POLG: variants seen among roughly 807,000 people sequenced by gnomAD.
POLG encodes the protein DNA polymerase gamma, catalytic subunit.
POLG carries 110 observed loss-of-function variants against 155.4 expected under a neutral mutation model. The ratio of observed to expected loss-of-function variants is 0.71; its 90% CI spans 0.61 to 0.83. The LOEUF (loss-of-function observed/expected upper bound fraction) is 0.83. Among genes scored for constraint, POLG ranks in the 40% least tolerant of loss-of-function variants. POLG has a pLI of 0.00. For synonymous variants in POLG, 701 were observed against 631.5 expected (o/e 1.11, Z -1.65); for missense variants, 1,685 against 1,627.5 (o/e 1.04, Z -0.61).
intron 9 of POLG, 108 bp downstream of exon 9, chr15:89,326,504 A>C: frequency 8.1e-7 from 1 of 1,229,992 alleles, no homozygotes; most frequent in South Asian, 1.3e-5. Flanking sequence ...GCAGGTCAAT[A>C]AGTATACATG....
At position 89,322,007 on chromosome 15, in the gene POLG, A is replaced by G. The variant is rs1450473418; in HGVS notation, c.2435T>C (p.Met812Thr). ...AGCTGACCTGGGCAGCCACACCACC[A>G]TCTGGGAGCTGTGGGGACAGACAAC... The part of the protein sequence containing the change: ...RNAHKRISSQ[M>T]VVWLPRSALP... The change falls in exon 15 of 23, where the codon ATG becomes ACG. Residue 812 changes from methionine (M) to threonine (T), a missense_variant. By Grantham distance (81) the Met-to-Thr change is moderately conservative. Coordinates refer to ENST00000268124, the MANE Select transcript of POLG (RefSeq NM_002693.3). 1 of 1,614,112 alleles carries G rather than the reference A, an allele frequency of 6.2e-7. No homozygotes were observed. The highest frequency in any genetic ancestry group is 8.5e-7 in the Non-Finnish European group (1 of 1,179,968).
At chr15:89,319,598 C>T (rs1425606071) in intron 18 of POLG, among the ~76,000 whole-genome samples, 1 of 152,118 alleles carries the variant, frequency 6.6e-6, no homozygotes, top group Non-Finnish European at 1.5e-5. Context: ...CCATGGTAGC[C>T]CAATAAAGGA....
intron 15 of POLG, 26 bp downstream of exon 15, chr15:89,321,936 C>T (rs1169423451): frequency 6.2e-7 from 1 of 1,613,284 alleles, no homozygotes; most frequent in Non-Finnish European, 8.5e-7. Context: ...GTTCTCCTAT[C>T]CCTACAACCA....
At position 89,316,531 on chromosome 15, in the gene POLG, T is replaced by G; in HGVS notation, c.*220A>C. 1 of 1,445,458 alleles carries G rather than the reference T, an allele frequency of 6.9e-7. No individual in the cohort carries two copies. Among genetic ancestry groups the G allele is most frequent in the South Asian group, 1.2e-5 (1 of 83,396 alleles). The allele number at this position is 1,445,458 out of a possible 1,614,324, so 89.5% of individuals were successfully genotyped here. A position where few individuals can be genotyped will look rare whatever the true frequency, so the allele number is the denominator to read the frequency against. On this transcript the variant is annotated 3_prime_UTR_variant, in exon 23 of 23. Transcript: ENST00000268124. ...TTACCCAACAAGCAACAATGCCCCT[T>G]GTCCTGTAGTCCACACCGATGTTGG...
In POLG at chr15:89,319,170, C is replaced by G. The variant is rs1261924218; in HGVS notation, c.3104+58G>C. The stretch of plus-strand genomic sequence containing the variant: ...AAAGCTAAAAAACAAAGCATCCAAG[C>G]TCTTCTGGGGCAAGCCCAGACCCCT... On this transcript the variant is annotated intron_variant, in intron 19 of 22. Transcript: ENST00000268124. 3.7e-6 allele frequency: 6 copies of G among 1,614,054 alleles called. No individual in the cohort carries two copies. The African/African-American group carries it at 8.0e-5, about 22-fold the overall frequency.
intron 9 of POLG, among the ~76,000 whole-genome samples, 181 bp from the exon 10 acceptor site, chr15:89,325,867 TAGA>T (rs2055510668): frequency 6.6e-6 from 1 of 152,134 alleles, no homozygotes. Flanking sequence ...TGGAATCCTC[TAGA>T]AGAATATTTC....
chr15:89,327,244 A>G lies in POLG; in HGVS notation c.1356T>C (p.Tyr452=), dbSNP rs3176179. Residue 452 remains tyrosine, a synonymous_variant, in exon 7 of 23, where the codon TAT becomes TAC. Transcript: ENST00000268124. ...ERYLAEAQGT[Y]EELQREMKKS... ...TCTTCATCTCCCGCTGGAGCTCCTCATAAGTGCCCTGTGCCTCTGCCAGGT... is the reference window on the plus strand; with the variant it reads ...TCTTCATCTCCCGCTGGAGCTCCTCGTAAGTGCCCTGTGCCTCTGCCAGGT... The G allele has an allele frequency of 7.5e-5, 121 of 1,614,190 alleles. No individual in the cohort carries two copies. The highest frequency in any genetic ancestry group is 5.5e-4 in the African/African-American group (41 of 75,054).
chr15:89,317,310 C>G, intron 22 of POLG, 66 bp downstream of exon 22: 1 of 1,544,748 alleles, frequency 6.5e-7, no homozygotes, highest in Non-Finnish European at 8.9e-7. Context: ...TTCCTGTTCT[C>G]CAAGACCCAC....
rs113994094 is a variant in POLG at position 89,330,184 on chromosome 15, G to A, written c.752C>T (p.Thr251Ile). 3,197 of 1,613,784 alleles carry A rather than the reference G, an allele frequency of 2.0e-3. 2 individuals carry two copies. The highest frequency in any genetic ancestry group is 2.4e-3 in the Non-Finnish European group (2,889 of 1,179,902). ...TCTCTGGGTGGGGCTGCTGGCACCA[G>A]TAGGGACCTCCAGGGGGATGAGGTC... ...PADLIPLEVP[T>I]GASSPTQRDW... Residue 251 changes from threonine to isoleucine, a missense_variant, in exon 3 of 23, where the codon ACT becomes ATT. By Grantham distance (89) the Thr-to-Ile change is moderately conservative. Transcript: ENST00000268124.
intron 21 of POLG, chr15:89,318,051 C>CAACT (rs1301899055): frequency 3.7e-6 from 1 of 270,218 alleles, no homozygotes; most frequent in Non-Finnish European, 7.3e-6. Context: ...CAAGAAAATA[C>CAACT]AACTCAATAT....
In POLG at chr15:89,319,299, T is replaced by C. The variant is rs774302250; in HGVS notation, c.3033A>G (p.Pro1011=). ...TCCAGCCACCCTCAGTCCTGTCCAC[T>C]GGGAGGTTCAACTCCCTCACCAGCC... The part of the protein sequence containing the change: ...GEWLVRELNL[P]VDRTEGGWIS... The change falls in exon 19 of 23, where the codon CCA becomes CCG. Residue 1011 remains proline, a synonymous_variant. Coordinates refer to ENST00000268124, the MANE Select transcript of POLG (RefSeq NM_002693.3). 2.0e-5 allele frequency: 32 copies of C among 1,614,152 alleles called. No individual in the cohort carries two copies. The highest frequency in any genetic ancestry group is 2.5e-5 in the Non-Finnish European group (30 of 1,180,018).
chr15:89,321,780 G>A lies in POLG; in HGVS notation c.2554C>T (p.Arg852Cys), dbSNP rs144500145. Reference protein sequence around the residue: ...PQVVTAGTITRRAVEPTWLTA... With the variant: ...PQVVTAGTITCRAVEPTWLTA... The stretch of plus-strand genomic sequence containing the variant: ...AGCCATGTGGGCTCCACAGCCCGGC[G>A]AGTGATGGTGCCGGCAGTCACCACT... The change falls in exon 16 of 23, where the codon CGC (arginine) becomes TGC (cysteine). Residue 852 changes from arginine (R) to cysteine (C), a missense_variant. Coordinates refer to ENST00000268124, the MANE Select transcript of POLG (RefSeq NM_002693.3). 179 of 1,613,984 alleles carry A rather than the reference G, an allele frequency of 1.1e-4. No homozygotes were observed. Among genetic ancestry groups the A allele is most frequent in the Non-Finnish European group, 1.4e-4 (168 of 1,180,012 alleles).
chr15:89,317,686 G>A lies in POLG; in HGVS notation c.3483-150C>T, dbSNP rs1036882803. ...CTTAGCTAAGTCAAGAAAGGTGAAG[G>A]TCCAGCACTGTTTTCCATCCAGCAG... On this transcript the variant is annotated intron_variant, in intron 21 of 22. Coordinates refer to ENST00000268124, the MANE Select transcript of POLG (RefSeq NM_002693.3). 10 of 753,784 alleles carry A rather than the reference G, an allele frequency of 1.3e-5. No homozygotes were observed. In the Admixed American group the frequency reaches 1.4e-4, roughly 11 times the overall value. 46.7% of individuals were successfully genotyped at this position (753,784 alleles called of 1,614,324 possible).
At position 89,325,253 on chromosome 15, in the gene POLG, AGAGAGT is replaced by A. The variant is rs1204929916; in HGVS notation, c.1949+191_1949+196del. Among the ~76,000 whole-genome samples, 28 of 87,216 alleles carry A rather than the reference AGAGAGT, an allele frequency of 3.2e-4. 8 individuals are homozygous for A. The highest frequency in any genetic ancestry group is 4.3e-4 in the Non-Finnish European group (20 of 46,614). 57.2% of individuals were successfully genotyped at this position (87,216 alleles called of 152,430 possible). Reference sequence around the variant, plus strand: ...GAGTGAGAGAGTGAGTGAGTGAGAGAGAGAGTGAGTGAGTGAGTGAGAGAGAGAGAA... The same window carrying A: ...GAGTGAGAGAGTGAGTGAGTGAGAGAGAGTGAGTGAGTGAGAGAGAGAGAA... On this transcript the variant is annotated intron_variant, in intron 10 of 22. Coordinates refer to ENST00000268124, the MANE Select transcript of POLG (RefSeq NM_002693.3).
chr15:89,321,281 C>T (rs779527310), intron 16 of POLG, 21 bp from the exon 17 acceptor site: 1 of 1,613,230 alleles, frequency 6.2e-7, no homozygotes, highest in Non-Finnish European at 8.5e-7. Context: ...AGTGAGATAC[C>T]CAAATGAGAC....
chr15:89,320,526 C>T (rs553390490), intron 18 of POLG, among the ~76,000 whole-genome samples: 17 of 152,304 alleles, frequency 1.1e-4, no homozygotes, highest in African/African-American at 4.1e-4. Context: ...CACTTGGTAA[C>T]AGTATACCAA....
In POLG at chr15:89,316,514, C is replaced by G. The variant is rs2055270079; in HGVS notation, c.*237G>C. ...GGGCTTCTGCTTCATTTTTACCCAA[C>G]AAGCAACAATGCCCCTTGTCCTGTA... On this transcript the variant is annotated 3_prime_UTR_variant, in exon 23 of 23. Transcript: ENST00000268124. 2.6e-6 allele frequency: 4 copies of G among 1,539,758 alleles called. No homozygotes were observed. In the African/African-American group the frequency reaches 4.1e-5, roughly 16 times the overall value.
rs910982233 is a variant in POLG at position 89,328,447 on chromosome 15, C to T, written c.1250+9G>A. 6.2e-7 allele frequency: 1 copy of T among 1,610,018 alleles called. No homozygotes were observed. Among genetic ancestry groups the T allele is most frequent in the Non-Finnish European group, 8.5e-7 (1 of 1,176,832 alleles). ...ACCCCCAGAGATTCCCACATGGGCTCCCCCTCACCTCTCCAAGAAGAGCGG... is the reference window on the plus strand; with the variant it reads ...ACCCCCAGAGATTCCCACATGGGCTTCCCCTCACCTCTCCAAGAAGAGCGG... On this transcript the variant is annotated intron_variant, in intron 6 of 22. Transcript: ENST00000268124.
At chr15:89,334,088 G>T in intron 1 of POLG, 175 bp from the exon 2 acceptor site, 1 of 390,486 alleles carries the variant, frequency 2.6e-6, no homozygotes, top group South Asian at 2.5e-5. Context: ...GGGGGAACCG[G>T]GGTCCACGCA....
Sources: gnomAD v4.1 joint callset for allele counts (sites outside exome capture counted in the v4.1 genomes callset) on GRCh38, gnomAD v4.1.1 for gene constraint, MANE v1.5 for transcripts, NCBI Gene and HGNC (gene_info 2026-07-23, HGNC 2026-07-21) for gene names.